SLC44A5: variants seen among roughly 807,000 people sequenced by gnomAD.
The protein encoded by SLC44A5 is solute carrier family 44 member 5, also known as choline transporter-like protein 5.
A neutral mutation model predicts 101.8 loss-of-function variants in SLC44A5; 57 were observed. That is an observed-to-expected ratio of 0.56 (90% CI 0.45 to 0.70). The LOEUF (loss-of-function observed/expected upper bound fraction) is 0.70, where lower values mean the gene tolerates loss of function less well. Among genes scored for constraint, SLC44A5 ranks in the 30% least tolerant of loss-of-function variants. The pLI is 0.00. For synonymous variants in SLC44A5, 281 were observed against 290.9 expected, an observed-to-expected ratio of 0.97 and a Z score of 0.35; for missense variants, 737 against 853.1, an observed-to-expected ratio of 0.86 and a Z score of 1.70.
At chr1:75,657,181 A>C in the SLC44A5 span, among the ~76,000 whole-genome samples, 1 of 152,040 alleles carries the variant, frequency 6.6e-6, no homozygotes, top group African/African-American at 2.4e-5. Context: ...AGAATGACTT[A>C]ATAAATTTTA....
intron 1 of SLC44A5, among the ~76,000 whole-genome samples, chr1:75,579,451 T>C (rs1349584500): frequency 6.6e-6 from 1 of 152,120 alleles, no homozygotes; most frequent in Non-Finnish European, 1.5e-5. Flanking sequence ...CATAAATAAA[T>C]AAGTAAATAA....
At chr1:75,451,108 T>C (rs936373728) in intron 2 of SLC44A5, among the ~76,000 whole-genome samples, 1 of 152,184 alleles carries the variant, frequency 6.6e-6, no homozygotes, top group Admixed American at 6.5e-5. Context: ...AGCTACCCAC[T>C]GGATTCTCCC....
intron 2 of SLC44A5, among the ~76,000 whole-genome samples, chr1:75,466,653 C>T (rs371274719): frequency 1.2e-4 from 11 of 93,736 alleles, no homozygotes; most frequent in African/African-American, 5.0e-4. Flanking sequence ...AAGATGCCAT[C>T]TTAAAAAAAA....
chr1:75,614,779 C>T (rs111555912), upstream of SLC44A5, among the ~76,000 whole-genome samples: 15 of 152,280 alleles, frequency 9.9e-5, no homozygotes, highest in African/African-American at 3.6e-4. Flanking sequence ...TCGAACGACG[C>T]CCCTTCCTTG....
At chr1:75,407,474 C>T (rs1282136125) in intron 2 of SLC44A5, among the ~76,000 whole-genome samples, 2 of 152,130 alleles carry the variant, frequency 1.3e-5, no homozygotes, top group African/African-American at 4.8e-5. Flanking sequence ...TACAAGGCTA[C>T]AGTAACCAAA....
chr1:75,346,471 A>G (rs1235392139), intron 3 of SLC44A5, among the ~76,000 whole-genome samples: 1 of 152,136 alleles, frequency 6.6e-6, no homozygotes, highest in Admixed American at 6.6e-5. Context: ...CTCTTAACAG[A>G]CTGATTTTAT....
intron 5 of SLC44A5, among the ~76,000 whole-genome samples, chr1:75,294,811 T>G (rs1459605528): frequency 6.6e-6 from 1 of 152,138 alleles, no homozygotes; most frequent in Non-Finnish European, 1.5e-5. Flanking sequence ...CTCCTTTATA[T>G]GTGAAATCTA....
intron 5 of SLC44A5, among the ~76,000 whole-genome samples, chr1:75,277,646 T>A (rs1475403947): frequency 6.6e-6 from 1 of 151,236 alleles, no homozygotes; most frequent in Admixed American, 6.6e-5. Flanking sequence ...TTTGGAGCTT[T>A]TGCCATTTGG....
At chr1:75,223,879 A>G (rs564805670) in intron 13 of SLC44A5, among the ~76,000 whole-genome samples, 66 of 152,214 alleles carry the variant, frequency 4.3e-4, no homozygotes, top group Non-Finnish European at 8.8e-4. Flanking sequence ...AAATTGTGGC[A>G]TGTAACCATA....
chr1:75,568,303 G>A (rs889532686), intron 1 of SLC44A5, among the ~76,000 whole-genome samples: 14 of 147,036 alleles, frequency 9.5e-5, no homozygotes, highest in Non-Finnish European at 1.5e-4. Flanking sequence ...TTAGGAAACT[G>A]GTACCAAAAA....
chr1:75,332,552 A>T (rs539904345), intron 4 of SLC44A5, among the ~76,000 whole-genome samples: 1 of 152,330 alleles, frequency 6.6e-6, no homozygotes, highest in South Asian at 2.1e-4. Flanking sequence ...CTATTATTAT[A>T]GAAGGTGGAA....
chr1:75,610,252 C>A lies in SLC44A5; in HGVS notation c.-70+788G>T, dbSNP rs529969304. ...GGTATATACATATACATACATATAC[C>A]TATATACACATAGATATCCTGGAGA... On this transcript the variant is annotated intron_variant, in intron 1 of 23. Transcript: ENST00000370859. 2.0e-5 allele frequency among the ~76,000 whole-genome samples: 3 copies of A among 150,978 alleles called. No individual in the cohort carries two copies. In the East Asian group the frequency reaches 5.9e-4, roughly 30 times the overall value.
intron 2 of SLC44A5, among the ~76,000 whole-genome samples, chr1:75,517,598 C>G (rs541715847): frequency 9.9e-5 from 15 of 152,008 alleles, no homozygotes; most frequent in African/African-American, 3.1e-4. Flanking sequence ...TCTTTGACCC[C>G]GGGGGAGACA....
At chr1:75,478,862 G>C (rs1001695803) in intron 2 of SLC44A5, among the ~76,000 whole-genome samples, 2 of 152,046 alleles carry the variant, frequency 1.3e-5, no homozygotes, top group African/African-American at 4.8e-5. Flanking sequence ...AGTTAACAAG[G>C]ATACCCAGGA....
At chr1:75,359,249 T>TC (rs1290694571) in intron 3 of SLC44A5, among the ~76,000 whole-genome samples, 2 of 146,290 alleles carry the variant, frequency 1.4e-5, no homozygotes, top group African/African-American at 5.1e-5. Context: ...TTTTTTTTTT[T>TC]CTTGAGACAG....
At chr1:75,599,797 C>T (rs756909634) in intron 1 of SLC44A5, among the ~76,000 whole-genome samples, 8 of 151,974 alleles carry the variant, frequency 5.3e-5, no homozygotes, top group Non-Finnish European at 8.8e-5. Context: ...TTAGTGTGGT[C>T]GGATCATTAA....
intron 20 of SLC44A5, among the ~76,000 whole-genome samples, chr1:75,214,328 G>A (rs1380999899): frequency 1.3e-5 from 2 of 151,894 alleles, no homozygotes; most frequent in East Asian, 1.9e-4. Flanking sequence ...GGGGAAAGAT[G>A]ATAATGTGGT....
At chr1:75,306,860 G>C (rs886346970) in intron 4 of SLC44A5, among the ~76,000 whole-genome samples, 11 of 148,190 alleles carry the variant, frequency 7.4e-5, no homozygotes, top group African/African-American at 2.8e-4. Flanking sequence ...TCAGCCTCCC[G>C]AGTAGCTGGG....
At chr1:75,225,316 C>T (rs1207763035) in intron 13 of SLC44A5, among the ~76,000 whole-genome samples, 4 of 152,088 alleles carry the variant, frequency 2.6e-5, no homozygotes, top group Non-Finnish European at 5.9e-5. Context: ...GTAGGCTATA[C>T]CATCTAGGTT....
Sources: allele counts gnomAD v4.1 joint callset (sites outside exome capture counted in the v4.1 genomes callset), GRCh38; gene constraint gnomAD v4.1.1; transcripts MANE v1.5; gene names NCBI Gene and HGNC (gene_info 2026-07-23, HGNC 2026-07-21).